Variants in SERPINI2 observed in about 807,000 individuals in gnomAD.
The protein encoded by SERPINI2 is serpin I2.
Under a neutral mutation model 47.3 loss-of-function variants are expected in SERPINI2, and 48 were observed. The ratio of observed to expected loss-of-function variants is 1.02; its 90% confidence interval spans 0.81 to 1.29. The LOEUF is 1.29. Among genes scored for constraint, SERPINI2 ranks in the 50% most tolerant of loss-of-function variants. The pLI is 0.00. For missense variants in SERPINI2, 448 were observed against 456.9 expected (o/e 0.98, Z 0.18); for synonymous variants, 135 against 149.3 (o/e 0.90, Z 0.70).
chr3:167,459,068 G>GTTTT (rs1191963816), intron 5 of SERPINI2, among the ~76,000 whole-genome samples: 1 of 144,496 alleles, frequency 6.9e-6, no homozygotes, highest in African/African-American at 2.7e-5. Context: ...ACCAAAGGAA[G>GTTTT]TTTTTTTTTG....
At chr3:167,446,401 T>A (rs1328698880) in exon 8 of SERPINI2, 7 of 1,603,752 alleles carry the variant, frequency 4.4e-6, no homozygotes, top group Non-Finnish European at 6.0e-6. Context: ...CCTGTTGGAT[T>A]ATGCTTCATA....
At chr3:167,470,589 G>A (rs1750283956) in intron 2 of SERPINI2, among the ~76,000 whole-genome samples, 1 of 103,166 alleles carries the variant, frequency 9.7e-6, no homozygotes, top group African/African-American at 5.2e-5. Flanking sequence ...TGGAGAAGGA[G>A]TCTGTTCTTT....
chr3:167,465,121 A>G, intron 5 of SERPINI2, 85 bp downstream of exon 5: 1 of 1,177,752 alleles, frequency 8.5e-7, no homozygotes, highest in South Asian at 1.4e-5. Context: ...AGACTTTTCA[A>G]GTATTTGTTA....
intron 2 of SERPINI2, among the ~76,000 whole-genome samples, 159 bp from the exon 3 acceptor site, chr3:167,467,444 T>TA (rs775912226): frequency 2.6e-4 from 40 of 152,298 alleles, no homozygotes; most frequent in Non-Finnish European, 4.4e-4. Context: ...TTTAAGGATG[T>TA]ATCTCCTGTA....
At chr3:167,464,364 T>C (rs553660408) in intron 5 of SERPINI2, among the ~76,000 whole-genome samples, 1 of 151,818 alleles carries the variant, frequency 6.6e-6, no homozygotes, top group Non-Finnish European at 1.5e-5. Context: ...GAGAAGAGAA[T>C]TAGGAAAGGG....
intron 5 of SERPINI2, among the ~76,000 whole-genome samples, chr3:167,463,812 A>G (rs1407179314): frequency 6.6e-6 from 1 of 152,072 alleles, no homozygotes; most frequent in Non-Finnish European, 1.5e-5. Flanking sequence ...GAAGTAAGAG[A>G]AATCAACCTA....
chr3:167,476,718 C>G (rs567917483), upstream of SERPINI2, among the ~76,000 whole-genome samples: 1 of 151,980 alleles, frequency 6.6e-6, no homozygotes, highest in Non-Finnish European at 1.5e-5. Context: ...TAATAAACCA[C>G]TACATTTTAT....
At chr3:167,446,259 TG>T in intron 8 of SERPINI2, 132 bp downstream of exon 8, 1 of 557,402 alleles carries the variant, frequency 1.8e-6, no homozygotes, top group South Asian at 2.5e-5. Context: ...ATACAATTCC[TG>T]GTATATAAAA....
chr3:167,449,171 A>G (rs1328885244), intron 7 of SERPINI2, 145 bp downstream of exon 7: 1 of 648,942 alleles, frequency 1.5e-6, no homozygotes, highest in Non-Finnish European at 2.7e-6. Context: ...AACAGCGTAT[A>G]CAACCATTTC....
chr3:167,452,387 C>T (rs1749666539), intron 6 of SERPINI2, among the ~76,000 whole-genome samples: 1 of 152,100 alleles, frequency 6.6e-6, no homozygotes, highest in Non-Finnish European at 1.5e-5. Context: ...ATGCAGGATT[C>T]CCCTGATGCG....
intron 5 of SERPINI2, among the ~76,000 whole-genome samples, chr3:167,455,948 T>C (rs1048952262): frequency 3.9e-5 from 6 of 152,108 alleles, no homozygotes; most frequent in African/African-American, 1.4e-4. Flanking sequence ...TCTCCAACAC[T>C]GGGGATTGCA....
rs567405541 is a variant in SERPINI2, at chr3:167,456,321, G to C, written c.867-3288C>G. 2.6e-5 allele frequency among the ~76,000 whole-genome samples: 4 copies of C among 152,092 alleles called. No homozygotes were observed. The East Asian group carries it at 5.8e-4, about 22-fold the overall frequency. The stretch of plus-strand genomic sequence containing the variant: ...CCATGTCCAATAGGTCAAAGTAAAC[G>C]AACATTTTGTAATCACTACTGCAGC... On this transcript the variant is annotated intron_variant, in intron 5 of 8. Coordinates refer to ENST00000264677, the Ensembl canonical transcript of SERPINI2.
intron 7 of SERPINI2, among the ~76,000 whole-genome samples, 182 bp downstream of exon 7, chr3:167,449,134 A>G (rs1257702842): frequency 6.6e-6 from 1 of 152,192 alleles, no homozygotes; most frequent in African/African-American, 2.4e-5. Context: ...TCCTTTTTGT[A>G]TCATGCTGTG....
At chr3:167,450,301 T>C (rs952907676) in intron 6 of SERPINI2, among the ~76,000 whole-genome samples, 22 of 152,324 alleles carry the variant, frequency 1.4e-4, no homozygotes, top group African/African-American at 5.1e-4. Context: ...GGTGTGGATA[T>C]GAGCTGAGAG....
At chr3:167,448,945 A>G (rs9815276) in intron 7 of SERPINI2, among the ~76,000 whole-genome samples, 29,072 of 152,180 alleles carry the variant, frequency 0.19, 4,120 homozygotes, top group African/African-American at 0.39. Flanking sequence ...ACTTGGTGTA[A>G]TGAAAGAATG....
chr3:167,447,317 T>G (rs1029844680), intron 7 of SERPINI2, among the ~76,000 whole-genome samples: 4 of 152,200 alleles, frequency 2.6e-5, no homozygotes, highest in African/African-American at 9.6e-5. Context: ...TATACCTAAA[T>G]AACCAGTGAA....
At chr3:167,457,501 C>T (rs928018151) in intron 5 of SERPINI2, among the ~76,000 whole-genome samples, 22 of 152,206 alleles carry the variant, frequency 1.4e-4, no homozygotes, top group African/African-American at 4.8e-4. Flanking sequence ...CCCAGTGAGG[C>T]TGCTCCCTTT....
rs1247167044 is a variant in SERPINI2, at chr3:167,442,095, G to A, written c.*14C>T. 2.5e-6 allele frequency: 4 copies of A among 1,571,274 alleles called. No individual in the cohort carries two copies. In the African/African-American group the frequency reaches 4.1e-5, roughly 16 times the overall value. ...TTGAGAAATCATCTTTTATTCTGAG[G>A]CTGTGCTTTTCATTCACAGTGAATC... On this transcript the variant is annotated 3_prime_UTR_variant, in exon 9 of 9. Transcript: ENST00000264677.
intron 8 of SERPINI2, among the ~76,000 whole-genome samples, 196 bp downstream of exon 8, chr3:167,446,196 G>GATGGCAGCCATT (rs1749474405): frequency 6.6e-6 from 1 of 152,148 alleles, no homozygotes. Context: ...TAGTAGCCAT[G>GATGGCAGCCATT]ATGGCAGCCA....
Sources: gnomAD v4.1 joint callset for allele counts (sites outside exome capture counted in the v4.1 genomes callset) on GRCh38, gnomAD v4.1.1 for gene constraint, MANE v1.5 for transcripts, NCBI Gene and HGNC (gene_info 2026-07-23, HGNC 2026-07-21) for gene names.